ARHGAP20: variants seen among roughly 807,000 people sequenced by gnomAD.
ARHGAP20 encodes rho GTPase-activating protein 20.
In ARHGAP20, 34 loss-of-function variants were observed where a neutral mutation model predicts 73.7. That is an observed-to-expected ratio of 0.46 (90% CI 0.35 to 0.61). The LOEUF (loss-of-function observed/expected upper bound fraction) is 0.61. Among genes scored for constraint, ARHGAP20 ranks in the 20% least tolerant of loss-of-function variants. The probability of loss-of-function intolerance (pLI) is 0.00; values close to 1 mark genes in which losing one functional copy is unlikely to be tolerated. For missense variants in ARHGAP20, 1,314 were observed against 1,420.9 expected (o/e 0.92, Z 1.21); for synonymous variants, 523 against 518.2 (o/e 1.01, Z -0.13).
chr11:110,693,290 C>T (rs1379345023), intron 1 of ARHGAP20, among the ~76,000 whole-genome samples: 2 of 151,816 alleles, frequency 1.3e-5, no homozygotes, highest in South Asian at 2.1e-4. Context: ...TTCCATTGTT[C>T]GTACTCAGAC....
chr11:110,649,928 G>A (rs1337426197), intron 2 of ARHGAP20, among the ~76,000 whole-genome samples: 1 of 151,996 alleles, frequency 6.6e-6, no homozygotes, highest in Non-Finnish European at 1.5e-5. Context: ...AAAGGTCACT[G>A]AGGACAATAA....
At chr11:110,582,572 A>G in intron 13 of ARHGAP20, 137 bp from the exon 14 acceptor site, 1 of 600,640 alleles carries the variant, frequency 1.7e-6, no homozygotes, top group Non-Finnish European at 2.9e-6. Context: ...AAAGTACATT[A>G]AACAGTTTCC....
intron 3 of ARHGAP20, among the ~76,000 whole-genome samples, chr11:110,625,032 A>ATTTTTTTTTTTTTTTTTTTTTTT (rs766777290): frequency 4.6e-5 from 5 of 108,094 alleles, no homozygotes; most frequent in East Asian, 2.2e-4. Context: ...TTTTATTTTT[A>ATTTTTTTTTTTTTTTTTTTTTTT]TTTTTTTTTT....
intron 2 of ARHGAP20, among the ~76,000 whole-genome samples, chr11:110,653,216 A>AT (rs1366941461): frequency 6.6e-6 from 1 of 152,220 alleles, no homozygotes; most frequent in African/African-American, 2.4e-5. Context: ...GCGAAAATTG[A>AT]TAAGTGGGGT....
chr11:110,625,229 G>A (rs1948717837), intron 3 of ARHGAP20, among the ~76,000 whole-genome samples: 2 of 150,702 alleles, frequency 1.3e-5, no homozygotes, highest in Non-Finnish European at 3.0e-5. Context: ...AGTAGAGACG[G>A]GGTTTCACCT....
intron 2 of ARHGAP20, among the ~76,000 whole-genome samples, chr11:110,682,443 G>A (rs1468350844): frequency 6.6e-6 from 1 of 152,108 alleles, no homozygotes; most frequent in Non-Finnish European, 1.5e-5. Context: ...GAAGTACCAG[G>A]ATTTAGACCT....
intron 2 of ARHGAP20, among the ~76,000 whole-genome samples, chr11:110,675,186 G>A (rs965224670): frequency 1.3e-5 from 2 of 152,154 alleles, no homozygotes; most frequent in African/African-American, 4.8e-5. Context: ...TTATTTGATA[G>A]AGCCAGTTTT....
chr11:110,591,260 G>T (rs946023057), intron 10 of ARHGAP20, among the ~76,000 whole-genome samples: 1 of 152,152 alleles, frequency 6.6e-6, no homozygotes, highest in Non-Finnish European at 1.5e-5. Context: ...ATGCCACTTG[G>T]TTACTGTGTA....
At chr11:110,621,947 G>A (rs4938045) in intron 4 of ARHGAP20, among the ~76,000 whole-genome samples, 49,339 of 151,804 alleles carry the variant, frequency 0.33, 8,448 homozygotes, top group African/African-American at 0.43. Flanking sequence ...GATGAGTTGC[G>A]GCTCAGTTCG....
chr11:110,598,290 GGT>G (rs1223080520), intron 9 of ARHGAP20, among the ~76,000 whole-genome samples: 1 of 151,864 alleles, frequency 6.6e-6, no homozygotes, highest in Non-Finnish European at 1.5e-5. Flanking sequence ...TTCAGTCCTA[GGT>G]CTGAAGCAGG....
intron 10 of ARHGAP20, among the ~76,000 whole-genome samples, chr11:110,591,374 G>A (rs1947825198): frequency 6.6e-6 from 1 of 152,180 alleles, no homozygotes; most frequent in African/African-American, 2.4e-5. Flanking sequence ...AAATAAAGTG[G>A]CTAGACAAGT....
chr11:110,659,592 T>G (rs1263848874), intron 2 of ARHGAP20, among the ~76,000 whole-genome samples: 1 of 152,094 alleles, frequency 6.6e-6, no homozygotes, highest in Non-Finnish European at 1.5e-5. Context: ...ATTTTGGCTT[T>G]TGTTGCCATT....
intron 3 of ARHGAP20, among the ~76,000 whole-genome samples, chr11:110,626,361 C>G (rs1357559056): frequency 6.6e-6 from 1 of 152,144 alleles, no homozygotes; most frequent in Non-Finnish European, 1.5e-5. Context: ...ACCCCGATTT[C>G]CAAAACAAGC....
chr11:110,681,396 G>A (rs919423053), intron 2 of ARHGAP20, among the ~76,000 whole-genome samples: 2 of 152,104 alleles, frequency 1.3e-5, no homozygotes, highest in Non-Finnish European at 2.9e-5. Context: ...GATATCAATT[G>A]TTATTACAAC....
At chr11:110,691,941 CA>C (rs1950250222) in intron 1 of ARHGAP20, among the ~76,000 whole-genome samples, 1 of 152,068 alleles carries the variant, frequency 6.6e-6, no homozygotes, top group Non-Finnish European at 1.5e-5. Context: ...TTATTAACCA[CA>C]AATCAATTTC....
At chr11:110,703,104 C>T (rs1220939978) in intron 1 of ARHGAP20, among the ~76,000 whole-genome samples, 3 of 152,076 alleles carry the variant, frequency 2.0e-5, no homozygotes, top group Non-Finnish European at 4.4e-5. Flanking sequence ...GCTGAAGCTT[C>T]CTGCTATTGT....
chr11:110,689,734 T>C (rs1950206011), intron 2 of ARHGAP20, among the ~76,000 whole-genome samples: 1 of 151,828 alleles, frequency 6.6e-6, no homozygotes, highest in Admixed American at 6.6e-5. Flanking sequence ...TGGTCACAGC[T>C]GGCACCGGGG....
At chr11:110,646,504 G>A (rs1022361069) in intron 2 of ARHGAP20, among the ~76,000 whole-genome samples, 1 of 152,010 alleles carries the variant, frequency 6.6e-6, no homozygotes, top group Non-Finnish European at 1.5e-5. Context: ...TAGAGGCTTT[G>A]AAATAAATTT....
In ARHGAP20 at chr11:110,577,232, A is replaced by G; in HGVS notation, c.*2138T>C. 6.7e-7 allele frequency: 1 copy of G among 1,495,680 alleles called. No homozygotes were observed. The highest frequency in any genetic ancestry group is 1.3e-5 in the South Asian group (1 of 78,378). 92.7% of individuals were successfully genotyped at this position (1,495,680 alleles called of 1,614,324 possible). Reference sequence around the variant, plus strand: ...AAGATATATTATACAAACTCAAAGCATTTTAGATAAAGCATCAGTCTAATA... The same window carrying G: ...AAGATATATTATACAAACTCAAAGCGTTTTAGATAAAGCATCAGTCTAATA... On this transcript the variant is annotated 3_prime_UTR_variant, in exon 15 of 15. Transcript: ENST00000683387.
Sources: gnomAD v4.1 joint callset for allele counts (sites outside exome capture counted in the v4.1 genomes callset) on GRCh38, gnomAD v4.1.1 for gene constraint, MANE v1.5 for transcripts, NCBI Gene and HGNC (gene_info 2026-07-23, HGNC 2026-07-21) for gene names.